Variants in ZNF277 observed in about 807,000 individuals in gnomAD.
ZNF277 encodes nuclear receptor-interacting factor 4.
Under a neutral mutation model 60.7 loss-of-function variants are expected in ZNF277, and 55 were observed. That is an observed-to-expected ratio of 0.91 (90% CI 0.73 to 1.13). The LOEUF (loss-of-function observed/expected upper bound fraction) is 1.13, where lower values mean the gene tolerates loss of function less well. ZNF277 is among the 50% of genes most tolerant of loss of function. The pLI is 0.00. For missense variants in ZNF277, 510 were observed against 523.0 expected (o/e 0.98, Z 0.24); for synonymous variants, 178 against 179.3 (o/e 0.99, Z 0.06).
chr7:112,337,888 T>G, intron 9 of ZNF277, 62 bp downstream of exon 9: 15 of 1,360,752 alleles, frequency 1.1e-5, no homozygotes, highest in Non-Finnish European at 1.5e-5. Context: ...TAGTAATTGT[T>G]GCACCCTCAT....
chr7:112,264,307 CATAAT>C (rs1563208590), intron 1 of ZNF277, among the ~76,000 whole-genome samples: 2 of 152,114 alleles, frequency 1.3e-5, no homozygotes, highest in Non-Finnish European at 2.9e-5. Context: ...TTAGCCACAA[CATAAT>C]ATATAAGTAA....
chr7:112,335,018 G>A, intron 7 of ZNF277, among the ~76,000 whole-genome samples: 1 of 152,060 alleles, frequency 6.6e-6, no homozygotes, highest in East Asian at 1.9e-4. Flanking sequence ...TCATTTAGCT[G>A]ATAATGACAG....
chr7:112,335,935 A>C (rs373556111), intron 7 of ZNF277, among the ~76,000 whole-genome samples, 169 bp from the exon 8 acceptor site: 15 of 152,358 alleles, frequency 9.8e-5, no homozygotes, highest in African/African-American at 3.6e-4. Context: ...GTGTTGAATC[A>C]AACCATCATA....
At chr7:112,277,808 A>G (rs987310401) in intron 1 of ZNF277, among the ~76,000 whole-genome samples, 1 of 152,200 alleles carries the variant, frequency 6.6e-6, no homozygotes, top group Non-Finnish European at 1.5e-5. Context: ...GTTTATATAA[A>G]ACTACATAGT....
intron 1 of ZNF277, among the ~76,000 whole-genome samples, chr7:112,285,751 C>T (rs939300663): frequency 2.6e-5 from 4 of 152,028 alleles, no homozygotes; most frequent in African/African-American, 9.7e-5. Context: ...AAGCCATGGT[C>T]ACCAGTGTAC....
chr7:112,208,972 C>T (rs1821663332), intron 1 of ZNF277, among the ~76,000 whole-genome samples: 1 of 152,114 alleles, frequency 6.6e-6, no homozygotes, highest in South Asian at 2.1e-4. Flanking sequence ...AGCCACCGCG[C>T]CCGGCCTATG....
intron 1 of ZNF277, among the ~76,000 whole-genome samples, chr7:112,235,643 A>G (rs1279089602): frequency 6.6e-6 from 1 of 152,048 alleles, no homozygotes; most frequent in African/African-American, 2.4e-5. Context: ...TTCTTTATAC[A>G]TTCTGGATAC....
chr7:112,245,682 C>T (rs1791066926), intron 1 of ZNF277, among the ~76,000 whole-genome samples: 1 of 152,158 alleles, frequency 6.6e-6, no homozygotes, highest in Non-Finnish European at 1.5e-5. Context: ...ATCCCAACCT[C>T]TGCTGTCACC....
chr7:112,262,418 T>C (rs1007403947), intron 1 of ZNF277, among the ~76,000 whole-genome samples: 6 of 152,250 alleles, frequency 3.9e-5, no homozygotes, highest in African/African-American at 1.2e-4. Flanking sequence ...CAAAGAGAAC[T>C]TGGTACTTTA....
chr7:112,212,465 A>G (rs1821777119), intron 1 of ZNF277, among the ~76,000 whole-genome samples: 1 of 152,252 alleles, frequency 6.6e-6, no homozygotes, highest in African/African-American at 2.4e-5. Context: ...AAATATCCGT[A>G]TAATACCTGT....
chr7:112,343,320 T>A lies in ZNF277; in HGVS notation c.*591T>A, dbSNP rs1793480612. On this transcript the variant is annotated 3_prime_UTR_variant, in exon 12 of 12. Transcript: ENST00000361822. ...CACTTTCTGCCTAGGGTGGCCAAAT[T>A]CCCTAGAAATAGACATCAAGCCAGT... is the stretch of plus-strand genomic sequence containing the variant. 6.6e-6 allele frequency among the ~76,000 whole-genome samples: 1 copy of A among 152,004 alleles called. No homozygotes were observed. The highest frequency in any genetic ancestry group is 1.5e-5 in the Non-Finnish European group (1 of 68,034).
chr7:112,278,415 A>C (rs1791863275), intron 1 of ZNF277, among the ~76,000 whole-genome samples: 1 of 152,130 alleles, frequency 6.6e-6, no homozygotes, highest in Non-Finnish European at 1.5e-5. Flanking sequence ...TTGCTAATAG[A>C]TATCAGTGCA....
At chr7:112,261,763 T>C (rs528624317) in intron 1 of ZNF277, among the ~76,000 whole-genome samples, 1 of 152,300 alleles carries the variant, frequency 6.6e-6, no homozygotes, top group African/African-American at 2.4e-5. Context: ...CTCTTGAATA[T>C]CAAAGCCTCT....
chr7:112,220,085 T>C (rs1821986341), intron 1 of ZNF277, among the ~76,000 whole-genome samples: 1 of 152,222 alleles, frequency 6.6e-6, no homozygotes, highest in Non-Finnish European at 1.5e-5. Flanking sequence ...ATTCTGTTTC[T>C]GTGAAAAATG....
At chr7:112,341,101 C>A in intron 11 of ZNF277, 55 bp downstream of exon 11, 2 of 1,471,800 alleles carry the variant, frequency 1.4e-6, no homozygotes, top group Non-Finnish European at 1.8e-6. Context: ...TGATTTTGTC[C>A]CTTTATTTAA....
chr7:112,287,528 C>CT lies in ZNF277; in HGVS notation c.293+469dup, dbSNP rs534311098. 5.7e-3 allele frequency: 790 copies of CT among 138,498 alleles called. 4 individuals carry two copies. Among genetic ancestry groups the CT allele is most frequent in the Admixed American group, 0.018 (256 of 13,844 alleles). 8.6% of individuals were successfully genotyped at this position (138,498 alleles called of 1,614,324 possible). On this transcript the variant is annotated intron_variant, in intron 2 of 11. Transcript: ENST00000361822. ...TTACAACTCTTTTGTACTTCTGAGA[C>CT]TTTTTTTTTTTTTTTGAGATGGAGT...
chr7:112,266,827 TCTC>T (rs1791562655), intron 1 of ZNF277, among the ~76,000 whole-genome samples: 1 of 152,156 alleles, frequency 6.6e-6, no homozygotes, highest in Non-Finnish European at 1.5e-5. Flanking sequence ...TTCTGGGTCT[TCTC>T]TTAGAGAATT....
chr7:112,271,778 CA>C (rs1791673355), intron 1 of ZNF277, among the ~76,000 whole-genome samples: 1 of 149,858 alleles, frequency 6.7e-6, no homozygotes, highest in Non-Finnish European at 1.5e-5. Context: ...ATGCTTCTGA[CA>C]TTCTTTTTTT....
At chr7:112,326,064 G>C (rs1242129657) in intron 5 of ZNF277, among the ~76,000 whole-genome samples, 1 of 152,146 alleles carries the variant, frequency 6.6e-6, no homozygotes, top group Non-Finnish European at 1.5e-5. Flanking sequence ...GAGAGGTTGA[G>C]AGCCGGATTC....
Sources: allele counts gnomAD v4.1 joint callset (sites outside exome capture counted in the v4.1 genomes callset), GRCh38; gene constraint gnomAD v4.1.1; transcripts MANE v1.5; gene names NCBI Gene and HGNC (gene_info 2026-07-23, HGNC 2026-07-21).